The following MACROD2 variants were observed in gnomAD, a reference collection of about 807,000 sequenced individuals.
The protein encoded by MACROD2 is mono-ADP ribosylhydrolase 2.
A neutral mutation model predicts 70.4 loss-of-function variants in MACROD2; 36 were observed. That is an observed-to-expected ratio of 0.51 (90% CI 0.39 to 0.68). The LOEUF is 0.68. Among genes scored for constraint, MACROD2 ranks in the 30% least tolerant of loss-of-function variants. The pLI is 0.00. For synonymous variants in MACROD2, 172 were observed against 178.8 expected (o/e 0.96, Z 0.30); for missense variants, 496 against 538.4 (o/e 0.92, Z 0.78).
chr20:15,718,510 G>A (rs2050738558), intron 8 of MACROD2, among the ~76,000 whole-genome samples: 1 of 152,168 alleles, frequency 6.6e-6, no homozygotes, highest in South Asian at 2.1e-4. Flanking sequence ...AAGCCCTGTG[G>A]CCATGAAAAG....
At chr20:14,834,961 A>G (rs930818337) in intron 5 of MACROD2, among the ~76,000 whole-genome samples, 1 of 151,974 alleles carries the variant, frequency 6.6e-6, no homozygotes, top group Non-Finnish European at 1.5e-5. Flanking sequence ...TAGACTCTCT[A>G]TATATACATA....
At chr20:15,267,156 G>A (rs1441089474) in intron 6 of MACROD2, among the ~76,000 whole-genome samples, 1 of 152,138 alleles carries the variant, frequency 6.6e-6, no homozygotes, top group African/African-American at 2.4e-5. Flanking sequence ...CTGCAAAGCA[G>A]TCATTCCATC....
chr20:15,752,874 G>A (rs1487910512), intron 8 of MACROD2, among the ~76,000 whole-genome samples: 3 of 152,076 alleles, frequency 2.0e-5, no homozygotes, highest in Non-Finnish European at 4.4e-5. Flanking sequence ...AGAGATGAGA[G>A]GATGAACTAT....
intron 2 of MACROD2, among the ~76,000 whole-genome samples, chr20:14,008,035 G>A (rs2052846634): frequency 6.6e-6 from 1 of 152,088 alleles, no homozygotes; most frequent in Admixed American, 6.6e-5. Flanking sequence ...GGCAAAAGCT[G>A]GAAGCATTCC....
intron 5 of MACROD2, among the ~76,000 whole-genome samples, chr20:14,799,337 A>AGTAATTTT (rs2122133803): frequency 6.6e-6 from 1 of 152,224 alleles, no homozygotes; most frequent in Non-Finnish European, 1.5e-5. Context: ...AATAAGAGAT[A>AGTAATTTT]GTAATTTTGA....
intron 5 of MACROD2, among the ~76,000 whole-genome samples, chr20:14,901,261 A>T (rs1011656834): frequency 1.3e-5 from 2 of 150,810 alleles, no homozygotes; most frequent in Non-Finnish European, 2.9e-5. Context: ...TTGAAGTTTT[A>T]AAAAAATCTT....
chr20:15,209,089 T>C (rs992772939), intron 5 of MACROD2, among the ~76,000 whole-genome samples: 2 of 150,644 alleles, frequency 1.3e-5, no homozygotes, highest in Non-Finnish European at 3.0e-5. Flanking sequence ...CCCTTTCCTG[T>C]GGTGGTGGTG....
At chr20:15,741,432 A>G (rs2051104968) in intron 8 of MACROD2, among the ~76,000 whole-genome samples, 1 of 151,752 alleles carries the variant, frequency 6.6e-6, no homozygotes, top group Admixed American at 6.6e-5. Context: ...TCCGACTGAT[A>G]TTGCCTCACC....
At chr20:14,663,697 A>C (rs968908941) in intron 4 of MACROD2, among the ~76,000 whole-genome samples, 1 of 151,980 alleles carries the variant, frequency 6.6e-6, no homozygotes, top group African/African-American at 2.4e-5. Flanking sequence ...AAATTTTTTA[A>C]AAGTTTGAAA....
intron 5 of MACROD2, among the ~76,000 whole-genome samples, chr20:15,092,211 A>T (rs999925241): frequency 6.6e-6 from 1 of 152,076 alleles, no homozygotes; most frequent in African/African-American, 2.4e-5. Context: ...GATATAAATT[A>T]AAACTTTTGC....
intron 15 of MACROD2, among the ~76,000 whole-genome samples, chr20:16,039,777 T>C (rs2067283923): frequency 6.6e-6 from 1 of 151,916 alleles, no homozygotes; most frequent in Non-Finnish European, 1.5e-5. Context: ...AGTTGGAAGT[T>C]CCAAGTTTTG....
At chr20:15,234,001 A>ATG (rs1297742155) in intron 6 of MACROD2, among the ~76,000 whole-genome samples, 2 of 55,334 alleles carry the variant, frequency 3.6e-5, no homozygotes, top group East Asian at 1.1e-3. Flanking sequence ...ATATATATAT[A>ATG]TATATATATT....
In MACROD2 at chr20:14,343,072, G is replaced by T. The variant is rs2083031351; in HGVS notation, c.272-150407G>T. Among the ~76,000 whole-genome samples the T allele has an allele frequency of 2.6e-5, 4 of 151,938 alleles. 1 individual carries two copies. The highest frequency in any genetic ancestry group is 9.7e-5 in the African/African-American group (4 of 41,338). On this transcript the variant is annotated intron_variant, in intron 3 of 17. Transcript: ENST00000684519. ...AAGTCACGGGGTGTGGCAGTAGCTG[G>T]TGCAAAACTAGAAGCCTGCTGATCC...
chr20:14,247,072 A>G (rs1217819328), intron 3 of MACROD2, among the ~76,000 whole-genome samples: 1 of 152,202 alleles, frequency 6.6e-6, no homozygotes, highest in African/African-American at 2.4e-5. Context: ...GTCTAACCAT[A>G]AACGAATCTG....
At chr20:16,017,476 T>G (rs2066944647) in intron 15 of MACROD2, among the ~76,000 whole-genome samples, 1 of 152,222 alleles carries the variant, frequency 6.6e-6, no homozygotes, top group Non-Finnish European at 1.5e-5. Context: ...TTTGCAGAAC[T>G]GGTTGAATTT....
chr20:15,191,053 A>G (rs900174143), intron 5 of MACROD2, among the ~76,000 whole-genome samples: 2 of 152,198 alleles, frequency 1.3e-5, no homozygotes, highest in African/African-American at 4.8e-5. Flanking sequence ...AGAAAACTGT[A>G]TACATAGTTA....
At chr20:14,147,494 C>G (rs1030745564) in intron 3 of MACROD2, among the ~76,000 whole-genome samples, 31 of 152,124 alleles carry the variant, frequency 2.0e-4, no homozygotes, top group African/African-American at 7.0e-4. Flanking sequence ...AAATTATACT[C>G]TAGTTCTTGC....
intron 4 of MACROD2, among the ~76,000 whole-genome samples, chr20:14,555,440 T>G (rs747554653): frequency 1.1e-4 from 16 of 152,030 alleles, no homozygotes; most frequent in Non-Finnish European, 8.8e-5. Flanking sequence ...GAGTCAAATA[T>G]GTACTTATTT....
intron 5 of MACROD2, among the ~76,000 whole-genome samples, chr20:14,932,320 A>C (rs377688049): frequency 1.3e-5 from 2 of 152,288 alleles, no homozygotes; most frequent in East Asian, 3.9e-4. Flanking sequence ...CTTTCAGCTA[A>C]GCAAGGAGAC....
Sources: allele counts gnomAD v4.1 joint callset (sites outside exome capture counted in the v4.1 genomes callset), GRCh38; gene constraint gnomAD v4.1.1; transcripts MANE v1.5; gene names NCBI Gene and HGNC (gene_info 2026-07-23, HGNC 2026-07-21).